MVD: variants seen among roughly 807,000 people sequenced by gnomAD.
The protein encoded by MVD is mevalonate diphosphate decarboxylase, also known as diphosphomevalonate decarboxylase.
MVD carries 52 observed loss-of-function variants against 42.4 expected under a neutral mutation model. That is an observed-to-expected ratio of 1.23 (90% CI 0.98 to 1.55). The LOEUF is 1.55. Ranked by LOEUF, MVD falls within the 40% of genes most tolerant of loss-of-function variation. The pLI is 0.00. For missense variants in MVD, 663 were observed against 572.1 expected, an observed-to-expected ratio of 1.16 and a Z score of -1.62; for synonymous variants, 287 against 243.2, an observed-to-expected ratio of 1.18 and a Z score of -1.68.
In MVD at chr16:88,657,374, G is replaced by T. The variant is rs1398505977; in HGVS notation, c.403+62C>A. ...AGCAGTGGGCTCCCTGACCCGGGAA[G>T]AGCATGAAGTGGCTCCTGCGCCCAC... On this transcript the variant is annotated intron_variant, in intron 4 of 9. Coordinates refer to ENST00000301012, the MANE Select transcript of MVD (RefSeq NM_002461.3). 3.3e-6 allele frequency: 5 copies of T among 1,535,722 alleles called. No homozygotes were observed. In the South Asian group the frequency reaches 4.8e-5, roughly 15 times the overall value.
At chr16:88,658,880 T>A in intron 1 of MVD, 160 bp from the exon 2 acceptor site, 1 of 610,440 alleles carries the variant, frequency 1.6e-6, no homozygotes, top group Non-Finnish European at 3.0e-6. Flanking sequence ...GACCCCGGCC[T>A]GCAAGAACTG....
chr16:88,657,970 C>G lies in MVD; in HGVS notation c.201G>C (p.Leu67=). ...GCCCCACATCCTCCTCCCGGCCATT[C>G]AGCCAAATCCGGTCCTCGGTGAAGT... ...SKDFTEDRIW[L]NGREEDVGQP... Residue 67 remains leucine, a synonymous_variant, in exon 3 of 10, where the codon CTG becomes CTC. Transcript: ENST00000301012. The G allele has an allele frequency of 6.2e-7, 1 of 1,614,014 alleles. No individual in the cohort carries two copies. Among genetic ancestry groups the G allele is most frequent in the East Asian group, 2.2e-5 (1 of 44,888 alleles).
intron 1 of MVD, chr16:88,662,696 C>T: frequency 7.3e-7 from 1 of 1,370,972 alleles, no homozygotes; most frequent in South Asian, 1.3e-5. Flanking sequence ...CGCGCACCAC[C>T]ACGGCGGATT....
At chr16:88,661,902 A>G (rs573334899) in intron 1 of MVD, among the ~76,000 whole-genome samples, 1 of 146,860 alleles carries the variant, frequency 6.8e-6, no homozygotes, top group East Asian at 2.0e-4. Flanking sequence ...ATACATCTAT[A>G]TAGGTGTATA....
chr16:88,659,074 C>T (rs560321397), intron 1 of MVD: 4 of 331,180 alleles, frequency 1.2e-5, no homozygotes, highest in African/African-American at 4.2e-5. Context: ...CTGAGAACTC[C>T]TCACATCTCA....
intron 9 of MVD, 31 bp downstream of exon 9, chr16:88,653,269 C>A: frequency 1.3e-6 from 2 of 1,569,410 alleles, no homozygotes; most frequent in South Asian, 1.2e-5. Flanking sequence ...GAAAGGAAAC[C>A]CCGGGGTACT....
intron 8 of MVD, 54 bp downstream of exon 8, chr16:88,654,638 C>A: frequency 6.5e-7 from 1 of 1,542,706 alleles, no homozygotes; most frequent in Non-Finnish European, 8.8e-7. Flanking sequence ...CTCTTCCGAC[C>A]AGAGTTCCTG....
At chr16:88,655,105 C>T in intron 7 of MVD, 94 bp downstream of exon 7, 1 of 1,396,214 alleles carries the variant, frequency 7.2e-7, no homozygotes, top group South Asian at 1.2e-5. Flanking sequence ...ACAGATTGCC[C>T]TGCACGCGAG....
intron 8 of MVD, 64 bp from the exon 9 acceptor site, chr16:88,653,472 C>T: frequency 7.4e-7 from 1 of 1,342,938 alleles, no homozygotes; most frequent in Admixed American, 2.6e-5. Flanking sequence ...CAACAGTCTA[C>T]AACAGGCAAG....
chr16:88,659,237 G>A (rs1567617480), intron 1 of MVD: 2 of 179,574 alleles, frequency 1.1e-5, no homozygotes, highest in Admixed American at 5.4e-5. Flanking sequence ...TTATTCCACG[G>A]CGGCTTCGCT....
rs1907616117 is a variant in MVD at position 88,652,310 on chromosome 16, T to C, written c.*215A>G. ...CCATCCCATCTTGGCAAAGCGCTGG[T>C]GCAGCTTAGGGCAGCTGAAGCACTC... On this transcript the variant is annotated 3_prime_UTR_variant, in exon 10 of 10. Transcript: ENST00000301012. The C allele has an allele frequency of 1.6e-6, 1 of 617,796 alleles. No individual in the cohort carries two copies. The highest frequency in any genetic ancestry group is 1.8e-5 in the South Asian group (1 of 54,164). The allele number at this position is 617,796 out of a possible 1,614,324, so 38.3% of individuals were successfully genotyped here.
At chr16:88,655,519 C>G in intron 6 of MVD, 102 bp from the exon 7 acceptor site, 1 of 1,503,946 alleles carries the variant, frequency 6.6e-7, no homozygotes. Context: ...AGCCCCATCT[C>G]TGCATTTGGC....
At position 88,655,217 on chromosome 16, in the gene MVD, G is replaced by A; in HGVS notation, c.879C>T (p.Ala293=). 2 of 1,568,380 alleles carry A rather than the reference G, an allele frequency of 1.3e-6. No homozygotes were observed. The highest frequency in any genetic ancestry group is 1.7e-6 in the Non-Finnish European group (2 of 1,156,728). Residue 293 remains alanine, a synonymous_variant, in exon 7 of 10, where the codon GCC becomes GCT. Transcript: ENST00000301012. The stretch of plus-strand genomic sequence containing the variant: ...GCGTCACCTTGGTGTCCCCGTGGTG[G>A]GCGTTGAAGCGGTGCACCAGGTGGA... ...RIIHLVHRFN[A]HHGDTKVAYT...
At chr16:88,654,593 CCT>C (rs1907785450) in intron 8 of MVD, 97 bp downstream of exon 8, 18 of 1,237,302 alleles carry the variant, frequency 1.5e-5, no homozygotes, top group Non-Finnish European at 1.9e-5. Flanking sequence ...CCTGGGACTC[CCT>C]GTCTCAGCGC....
At position 88,655,247 on chromosome 16, in the gene MVD, G is replaced by A; in HGVS notation, c.849C>T (p.Arg283=). The A allele has an allele frequency of 6.3e-7, 1 of 1,585,202 alleles. No homozygotes were observed. The highest frequency in any genetic ancestry group is 8.6e-7 in the Non-Finnish European group (1 of 1,165,828). Residue 283 remains arginine (R), a synonymous_variant, in exon 7 of 10, where the codon CGC becomes CGT. Transcript: ENST00000301012. ...PISYLNAISW[R]IIHLVHRFNA... is the part of the protein sequence containing the mutation. Reference sequence around the variant, plus strand: ...TGAAGCGGTGCACCAGGTGGATGATGCGCCAGGAGATGGCATTGAGGTAAG... The same window carrying A: ...TGAAGCGGTGCACCAGGTGGATGATACGCCAGGAGATGGCATTGAGGTAAG...
intron 9 of MVD, 144 bp from the exon 10 acceptor site, chr16:88,652,749 G>C (rs898405714): frequency 4.0e-5 from 31 of 771,328 alleles, no homozygotes; most frequent in Non-Finnish European, 5.5e-5. Context: ...CGCCTGAGTG[G>C]TGACACCCAC....
chr16:88,652,789 G>T (rs1907656988), intron 9 of MVD, among the ~76,000 whole-genome samples, 184 bp from the exon 10 acceptor site: 1 of 152,220 alleles, frequency 6.6e-6, no homozygotes, highest in Non-Finnish European at 1.5e-5. Context: ...AGCCGCCCCT[G>T]CCAGCTGCGA....
intron 1 of MVD, chr16:88,662,718 T>G: frequency 2.8e-6 from 4 of 1,427,954 alleles, no homozygotes; most frequent in Non-Finnish European, 3.7e-6. Context: ...TTACGATTCA[T>G]GGGAATCGAT....
chr16:88,657,130 T>TG (rs9302778), intron 4 of MVD: 284,010 of 458,140 alleles, frequency 0.62, 67,941 homozygotes, highest in East Asian at 0.69. Flanking sequence ...TTTGTAGAGA[T>TG]GGGGGGGGGT....
Sources: gnomAD v4.1 joint callset for allele counts (sites outside exome capture counted in the v4.1 genomes callset) on GRCh38, gnomAD v4.1.1 for gene constraint, MANE v1.5 for transcripts, NCBI Gene and HGNC (gene_info 2026-07-23, HGNC 2026-07-21) for gene names.